PUS10: variants seen among roughly 807,000 people sequenced by gnomAD.
PUS10 encodes the protein tRNA pseudouridine synthase Pus10.
A neutral mutation model predicts 75.0 loss-of-function variants in PUS10; 59 were observed. That is an observed-to-expected ratio of 0.79 (90% CI 0.64 to 0.98). The LOEUF (loss-of-function observed/expected upper bound fraction) is 0.98. PUS10 is among the 50% of genes least tolerant of loss of function. PUS10 has a pLI of 0.00. For synonymous variants in PUS10, 219 were observed against 211.6 expected (o/e 1.03, Z -0.30); for missense variants, 650 against 614.4 (o/e 1.06, Z -0.61).
At chr2:61,008,352 T>C (rs1047385053) in intron 3 of PUS10, among the ~76,000 whole-genome samples, 2 of 151,998 alleles carry the variant, frequency 1.3e-5, no homozygotes. Flanking sequence ...GGAGAAACCC[T>C]GTCTCTACTA....
intron 11 of PUS10, among the ~76,000 whole-genome samples, chr2:60,958,667 T>C (rs1316306273): frequency 6.6e-6 from 1 of 152,160 alleles, no homozygotes; most frequent in African/African-American, 2.4e-5. Flanking sequence ...ATGGATTGCT[T>C]GAGCTCGGGA....
In PUS10 at chr2:60,948,089, CG is replaced by C. The variant is rs1675090166; in HGVS notation, c.1404del (p.Tyr468Ter). The C allele has an allele frequency of 6.2e-7, 1 of 1,614,004 alleles. No individual in the cohort carries two copies. The highest frequency in any genetic ancestry group is 1.3e-5 in the African/African-American group (1 of 74,886). On this transcript the variant is annotated frameshift_variant, in exon 16 of 18. Transcript: ENST00000316752. LOFTEE classifies it high-confidence loss of function. Reference sequence around the variant, plus strand: ...TGGAGGCGGAAGTGGTGCTCATCCACGTACTGTGTCTCCATGAAGTGAATGA... The same window carrying C: ...TGGAGGCGGAAGTGGTGCTCATCCACTACTGTGTCTCCATGAAGTGAATGA... Reference protein sequence around the residue: ...ARVIHFMETQYVDEHHFRLHL... With the variant: ...ARVIHFMETQXVDEHHFRLHL...
intron 2 of PUS10, among the ~76,000 whole-genome samples, chr2:61,011,052 C>T (rs1159631285): frequency 2.0e-5 from 3 of 152,062 alleles, no homozygotes; most frequent in African/African-American, 7.2e-5. Context: ...CTACTAACTC[C>T]TGGACAATTT....
At chr2:61,017,712 G>A (rs1274067254) in intron 1 of PUS10, 3 of 1,469,150 alleles carry the variant, frequency 2.0e-6, no homozygotes, top group African/African-American at 1.4e-5. Flanking sequence ...GTCTACGCGG[G>A]CCTGGACAGT....
At chr2:60,962,605 T>A (rs10195112) in intron 9 of PUS10, among the ~76,000 whole-genome samples, 62,026 of 150,542 alleles carry the variant, frequency 0.41, 14,583 homozygotes, top group African/African-American at 0.64. Flanking sequence ...AAGTATTTTT[T>A]AAAAAAAAAA....
At chr2:61,002,591 G>A (rs1474150923) in intron 4 of PUS10, among the ~76,000 whole-genome samples, 4 of 152,114 alleles carry the variant, frequency 2.6e-5, no homozygotes, top group East Asian at 3.9e-4. Context: ...GGGACCACAG[G>A]TACCACCATG....
Position 60,942,269 on chromosome 2 carries a change from A to T in PUS10, c.*126T>A, listed in dbSNP as rs1674663968. 5.2e-6 allele frequency: 4 copies of T among 772,422 alleles called. No homozygotes were observed. Among genetic ancestry groups the T allele is most frequent in the Non-Finnish European group, 4.7e-6 (2 of 430,008 alleles). 47.8% of individuals were successfully genotyped at this position (772,422 alleles called of 1,614,324 possible). On this transcript the variant is annotated 3_prime_UTR_variant, in exon 18 of 18. Coordinates refer to ENST00000316752, the MANE Select transcript of PUS10 (RefSeq NM_144709.4). ...TTACAACAAATTAACAATTATATAG[A>T]TCAACATGATCCAAATAGTTTTCAA...
chr2:60,984,103 GA>G (rs1677575310), intron 4 of PUS10, among the ~76,000 whole-genome samples: 1 of 152,046 alleles, frequency 6.6e-6, no homozygotes, highest in Non-Finnish European at 1.5e-5. Flanking sequence ...AACAAATATT[GA>G]AAAAGTACAG....
chr2:60,948,106 A>G lies in PUS10; in HGVS notation c.1388T>C (p.Phe463Ser), dbSNP rs1169985530. 2 of 1,614,008 alleles carry G rather than the reference A, an allele frequency of 1.2e-6. No individual in the cohort carries two copies. Among genetic ancestry groups the G allele is most frequent in the South Asian group, 1.1e-5 (1 of 91,094 alleles). Reference sequence around the variant, plus strand: ...CTCATCCACGTACTGTGTCTCCATGAAGTGAATGACGCGAGCTCGCACAGC... The same window carrying G: ...CTCATCCACGTACTGTGTCTCCATGGAGTGAATGACGCGAGCTCGCACAGC... ...PLAVRARVIHFMETQYVDEHH... is the reference protein window; with the variant it reads ...PLAVRARVIHSMETQYVDEHH... Residue 463 changes from phenylalanine to serine, a missense_variant, in exon 16 of 18, where the codon TTC becomes TCC. Coordinates refer to ENST00000316752, the MANE Select transcript of PUS10 (RefSeq NM_144709.4).
Position 60,952,349 on chromosome 2 carries a change from A to G in PUS10, c.1308+648T>C, listed in dbSNP as rs1004147289. Among the ~76,000 whole-genome samples the G allele has an allele frequency of 1.1e-4, 17 of 151,912 alleles. No homozygotes were observed. The East Asian group carries it at 1.7e-3, about 16-fold the overall frequency. On this transcript the variant is annotated intron_variant, in intron 15 of 17. Coordinates refer to ENST00000316752, the MANE Select transcript of PUS10 (RefSeq NM_144709.4). ...GACTCTGTCTCAAAAAAAAAAAAAA[A>G]AAAGAAAAAAAGAAAGTAAACTATT...
At chr2:60,943,374 T>G (rs1408775653) in intron 17 of PUS10, among the ~76,000 whole-genome samples, 2 of 151,974 alleles carry the variant, frequency 1.3e-5, no homozygotes, top group Non-Finnish European at 2.9e-5. Context: ...ACCTTGATCT[T>G]TGAGTCAGAA....
intron 3 of PUS10, 65 bp from the exon 4 acceptor site, chr2:61,006,708 T>A: frequency 8.0e-7 from 1 of 1,253,732 alleles, no homozygotes. Context: ...ACCCTAATCT[T>A]AATAACATGA....
intron 4 of PUS10, among the ~76,000 whole-genome samples, chr2:61,004,353 G>A (rs186444146): frequency 3.0e-4 from 45 of 152,258 alleles, no homozygotes; most frequent in Admixed American, 6.5e-4. Flanking sequence ...GGCCAAGCAT[G>A]GTGGCTCACG....
intron 1 of PUS10, 167 bp downstream of exon 1, chr2:61,017,841 C>A: frequency 1.3e-6 from 2 of 1,550,428 alleles, no homozygotes; most frequent in Non-Finnish European, 1.7e-6. Flanking sequence ...AGGACCGGGC[C>A]CCACTTTCCA....
chr2:60,974,832 C>T (rs780841490), intron 4 of PUS10, among the ~76,000 whole-genome samples: 11 of 152,244 alleles, frequency 7.2e-5, no homozygotes, highest in Non-Finnish European at 1.3e-4. Context: ...CGCTGCTCCA[C>T]GCCTGGCTTG....
At chr2:60,996,066 G>A (rs1558967281) in intron 4 of PUS10, among the ~76,000 whole-genome samples, 1 of 152,192 alleles carries the variant, frequency 6.6e-6, no homozygotes, top group Admixed American at 6.5e-5. Context: ...TTATAGTATT[G>A]TGGTGGTCTT....
chr2:60,946,215 A>C, intron 16 of PUS10, among the ~76,000 whole-genome samples: 1 of 152,240 alleles, frequency 6.6e-6, no homozygotes. Context: ...TAAAATGTCC[A>C]GAGAGGTTCT....
At chr2:60,960,365 G>C (rs753598963) in intron 11 of PUS10, 27 bp downstream of exon 11, 4 of 1,305,468 alleles carry the variant, frequency 3.1e-6, no homozygotes, top group Non-Finnish European at 4.0e-6. Flanking sequence ...AAAAAAGAAA[G>C]AAAAGTATGA....
chr2:60,948,182 A>G lies in PUS10; in HGVS notation c.1312T>C (p.Leu438=). The change falls in exon 16 of 18, where the codon TTA becomes CTA. Residue 438 remains leucine (L), a synonymous_variant. Coordinates refer to ENST00000316752, the MANE Select transcript of PUS10 (RefSeq NM_144709.4). Reference sequence around the variant, plus strand: ...AAAGGTGTTTTCTGGTCGATTTTTAAGTCCTAGGGGAGAATATGACACACA... The same window carrying G: ...AAAGGTGTTTTCTGGTCGATTTTTAGGTCCTAGGGGAGAATATGACACACA... The part of the protein sequence containing the change: ...DIEFLNDIKD[L]KIDQKTPLRV... The G allele has an allele frequency of 3.7e-6, 6 of 1,614,064 alleles. No homozygotes were observed. The highest frequency in any genetic ancestry group is 5.1e-6 in the Non-Finnish European group (6 of 1,179,950).
Sources: allele counts gnomAD v4.1 joint callset (sites outside exome capture counted in the v4.1 genomes callset), GRCh38; gene constraint gnomAD v4.1.1; transcripts MANE v1.5; gene names NCBI Gene and HGNC (gene_info 2026-07-23, HGNC 2026-07-21).